Variants in MYO1F observed in about 807,000 individuals in gnomAD.
MYO1F encodes the protein unconventional myosin-If.
MYO1F carries 60 observed loss-of-function variants against 146.6 expected under a neutral mutation model. The ratio of observed to expected loss-of-function variants is 0.41; its 90% CI spans 0.33 to 0.51. The LOEUF is 0.51. Among genes scored for constraint, MYO1F ranks in the 20% least tolerant of loss-of-function variants. The probability of loss-of-function intolerance (pLI) is 0.25; values close to 1 mark genes in which losing one functional copy is unlikely to be tolerated. For synonymous variants in MYO1F, 602 were observed against 602.1 expected (o/e 1.00, Z 0.00); for missense variants, 1,274 against 1,534.3 (o/e 0.83, Z 2.83).
intron 10 of MYO1F, chr19:8,549,726 A>G: frequency 1.0e-5 from 2 of 193,900 alleles, no homozygotes; most frequent in Non-Finnish European, 2.2e-5. Context: ...GCTGGTCTCA[A>G]ACTCCAGACC....
In MYO1F at chr19:8,521,121, G is replaced by A; in HGVS notation, c.*407C>T. 3.2e-6 allele frequency: 1 copy of A among 308,974 alleles called. No homozygotes were observed. Among genetic ancestry groups the A allele is most frequent in the Non-Finnish European group, 6.4e-6 (1 of 156,346 alleles). The allele number at this position is 308,974 out of a possible 1,614,324, so 19.1% of individuals were successfully genotyped here. The stretch of plus-strand genomic sequence containing the variant: ...GTAAGTTAACTCGTGCTTTCACCTG[G>A]CAAAGGTTTATTGCCTTAGTGATGA... On this transcript the variant is annotated 3_prime_UTR_variant, in exon 28 of 28. Transcript: ENST00000644032.
At chr19:8,540,383 A>G (rs555778393) in intron 15 of MYO1F, 96 of 162,752 alleles carry the variant, frequency 5.9e-4, no homozygotes, top group Admixed American at 1.3e-3. Context: ...TTGTCACAAA[A>G]AGGGAACAAC....
Position 8,530,121 on chromosome 19 carries a change from G to A in MYO1F, c.2328+75C>T, listed in dbSNP as rs566486660. The A allele has an allele frequency of 1.3e-6, 2 of 1,583,824 alleles. No homozygotes were observed. Among genetic ancestry groups the A allele is most frequent in the African/African-American group, 2.7e-5 (2 of 74,294 alleles). The stretch of plus-strand genomic sequence containing the variant: ...TAGGCTGGGGGATATCTGGCTGTGG[G>A]CAGGTGCATCTGGGCCAGGTGAGGG... On this transcript the variant is annotated intron_variant, in intron 21 of 27. Transcript: ENST00000644032. The surrounding 1 kb of genome is among the most constrained non-coding windows in gnomAD (Gnocchi z 5.8).
intron 1 of MYO1F, among the ~76,000 whole-genome samples, chr19:8,562,742 C>T (rs2041928656): frequency 6.6e-6 from 1 of 151,958 alleles, no homozygotes; most frequent in African/African-American, 2.4e-5. Flanking sequence ...CTATGTTGCC[C>T]AGGCTGGTCT....
chr19:8,541,656 T>G, intron 15 of MYO1F: 2 of 515,714 alleles, frequency 3.9e-6, no homozygotes, highest in Non-Finnish European at 7.1e-6. Flanking sequence ...CTCAAACTCT[T>G]GGCCTCAAGA....
chr19:8,555,896 C>T, intron 1 of MYO1F, 100 bp from the exon 2 acceptor site: 1 of 1,217,660 alleles, frequency 8.2e-7, no homozygotes, highest in Non-Finnish European at 1.1e-6. Flanking sequence ...ACCTCCCCCG[C>T]CCCACCTCCA....
At chr19:8,542,686 C>T (rs1183678972) in intron 14 of MYO1F, among the ~76,000 whole-genome samples, 4 of 151,864 alleles carry the variant, frequency 2.6e-5, no homozygotes, top group Non-Finnish European at 4.4e-5. Flanking sequence ...CTGCAACCTC[C>T]GCCTTCCGGG....
intron 19 of MYO1F, 84 bp downstream of exon 19, chr19:8,536,168 T>TCTCTCTCTCTCTCTCTCTCAGTCC (rs1972699863): frequency 3.2e-6 from 2 of 634,398 alleles, no homozygotes; most frequent in African/African-American, 7.6e-5. Context: ...TCTCCCTCTG[T>TCTCTCTCTCTCTCTCTCTCAGTCC]CTCTCTCTCT....
At chr19:8,525,438 A>T (rs1972224263) in intron 25 of MYO1F, 41 bp downstream of exon 25, 5 of 1,565,572 alleles carry the variant, frequency 3.2e-6, no homozygotes, top group East Asian at 2.2e-5. Flanking sequence ...CATGGGACCC[A>T]CAACAGACAA....
At chr19:8,570,166 A>G (rs376069951) in intron 1 of MYO1F, among the ~76,000 whole-genome samples, 144 of 151,538 alleles carry the variant, frequency 9.5e-4, no homozygotes, top group African/African-American at 3.4e-3. Context: ...TCTGCCTCCC[A>G]GGTTCAAGTG....
At chr19:8,548,006 T>TC in intron 12 of MYO1F, 30 bp downstream of exon 12, 2 of 707,510 alleles carry the variant, frequency 2.8e-6, no homozygotes, top group Admixed American at 2.4e-5. Flanking sequence ...CACCCCAGGA[T>TC]CCCCCATCCC....
intron 21 of MYO1F, chr19:8,529,789 C>T: frequency 2.8e-6 from 1 of 358,436 alleles, no homozygotes; most frequent in African/African-American, 2.1e-5. Context: ...GCTGTGTCTG[C>T]TATACTTGAG....
At chr19:8,546,674 CTTTT>C (rs1016126717) in intron 12 of MYO1F, among the ~76,000 whole-genome samples, 16 of 151,648 alleles carry the variant, frequency 1.1e-4, no homozygotes, top group African/African-American at 3.9e-4. Flanking sequence ...CTGTCTCTCT[CTTTT>C]TTTCTTTTCT....
At chr19:8,541,000 T>C (rs1273820043) in intron 15 of MYO1F, among the ~76,000 whole-genome samples, 1 of 151,844 alleles carries the variant, frequency 6.6e-6, no homozygotes, top group East Asian at 1.9e-4. Flanking sequence ...GCCTTTTTTT[T>C]CCCCTCAGAG....
At chr19:8,542,117 C>T in intron 14 of MYO1F, 126 bp from the exon 15 acceptor site, 1 of 733,154 alleles carries the variant, frequency 1.4e-6, no homozygotes, top group Non-Finnish European at 2.4e-6. Flanking sequence ...GAGGATCAGG[C>T]AGTGTCTACA....
intron 15 of MYO1F, chr19:8,541,659 C>A (rs1013454030): frequency 1.9e-6 from 1 of 520,412 alleles, no homozygotes; most frequent in African/African-American, 1.9e-5. Flanking sequence ...AAACTCTTGG[C>A]CTCAAGAGAT....
intron 19 of MYO1F, among the ~76,000 whole-genome samples, chr19:8,531,162 A>T (rs1039896235): frequency 1.3e-5 from 2 of 151,800 alleles, no homozygotes; most frequent in Non-Finnish European, 2.9e-5. Flanking sequence ...AGCCTGATCA[A>T]CATGGAGAAA....
At chr19:8,556,754 G>A (rs999395484) in intron 1 of MYO1F, among the ~76,000 whole-genome samples, 1 of 151,882 alleles carries the variant, frequency 6.6e-6, no homozygotes, top group Admixed American at 6.6e-5. Context: ...AGGTGTGCTG[G>A]CACATGCCTG....
In MYO1F at chr19:8,576,804, T is replaced by C. The variant is rs2042246899; in HGVS notation, c.3+503A>G. The C allele has an allele frequency of 1.6e-5, 3 of 184,132 alleles. No individual in the cohort carries two copies. In the Admixed American group the frequency reaches 1.7e-4, roughly 10 times the overall value. 11.4% of individuals were successfully genotyped at this position (184,132 alleles called of 1,614,324 possible). A position where few individuals can be genotyped will look rare whatever the true frequency, so the allele number is the denominator to read the frequency against. On this transcript the variant is annotated intron_variant, in intron 1 of 27. Transcript: ENST00000644032. The stretch of plus-strand genomic sequence containing the variant: ...AGCTTCCCATCTCAGCCGAGGACTC[T>C]GTGGCAGAACCCACAGACCTTGAGA...
Sources: allele counts gnomAD v4.1 joint callset (sites outside exome capture counted in the v4.1 genomes callset), GRCh38; gene constraint gnomAD v4.1.1; non-coding constraint Gnocchi (gnomAD v3.1); transcripts MANE v1.5; gene names NCBI Gene and HGNC (gene_info 2026-07-23, HGNC 2026-07-21).